The following ELAPOR1 variants were observed in gnomAD, a reference collection of about 807,000 sequenced individuals.
ELAPOR1 encodes endosome-lysosome associated apoptosis and autophagy regulator 1, also known as endosome/lysosome-associated apoptosis and autophagy regulator 1.
A neutral mutation model predicts 119.7 loss-of-function variants in ELAPOR1; 77 were observed. The ratio of observed to expected loss-of-function variants is 0.64; its 90% CI spans 0.54 to 0.78. The LOEUF is 0.78. Among genes scored for constraint, ELAPOR1 ranks in the 30% least tolerant of loss-of-function variants. The pLI is 0.00. For synonymous variants in ELAPOR1, 481 were observed against 487.2 expected (o/e 0.99, Z 0.17); for missense variants, 1,115 against 1,270.4 (o/e 0.88, Z 1.86).
intron 1 of ELAPOR1, among the ~76,000 whole-genome samples, chr1:109,153,125 G>GT (rs1002153112): frequency 2.6e-5 from 4 of 151,830 alleles, no homozygotes; most frequent in African/African-American, 7.3e-5. Context: ...GCACTGTTTT[G>GT]TTTTTTTAAT....
intron 1 of ELAPOR1, among the ~76,000 whole-genome samples, chr1:109,131,465 G>A (rs7534498): frequency 0.25 from 37,499 of 151,918 alleles, 5,589 homozygotes; most frequent in African/African-American, 0.41. Context: ...TTAGCTGTTG[G>A]TCTAGTTTCC....
In ELAPOR1 at chr1:109,200,833, T is replaced by C; in HGVS notation, c.2906T>C (p.Val969Ala). 6.2e-7 allele frequency: 1 copy of C among 1,614,204 alleles called. No homozygotes were observed. The highest frequency in any genetic ancestry group is 8.5e-7 in the Non-Finnish European group (1 of 1,180,024). ...DSCAIMEGED[V>A]EDDLIFTSKK... is the part of the protein sequence containing the mutation. ...TGCGCCATCATGGAAGGCGAGGATG[T>C]AGAGGACGACCTCATCTTTACCAGC... is the stretch of plus-strand genomic sequence containing the variant. Residue 969 changes from valine to alanine, a missense_variant, in exon 21 of 22, where the codon GTA (valine) becomes GCA (alanine). Transcript: ENST00000369939.
chr1:109,152,850 G>T (rs980786350), intron 1 of ELAPOR1, among the ~76,000 whole-genome samples: 5 of 151,182 alleles, frequency 3.3e-5, no homozygotes, highest in African/African-American at 1.2e-4. Flanking sequence ...GGAGGCTGAG[G>T]TGAGAGGATG....
intron 1 of ELAPOR1, among the ~76,000 whole-genome samples, chr1:109,158,922 T>G (rs1309230473): frequency 1.3e-5 from 2 of 151,464 alleles, no homozygotes; most frequent in East Asian, 3.9e-4. Flanking sequence ...GACGGAGTCT[T>G]GCTTTTTTTG....
chr1:109,118,675 G>A (rs1648184651), intron 1 of ELAPOR1, among the ~76,000 whole-genome samples: 1 of 152,034 alleles, frequency 6.6e-6, no homozygotes. Context: ...GTGACGGGCG[G>A]GTCAAGGATT....
chr1:109,182,651 A>G (rs1172454777), intron 7 of ELAPOR1, among the ~76,000 whole-genome samples: 1 of 151,954 alleles, frequency 6.6e-6, no homozygotes, highest in Non-Finnish European at 1.5e-5. Context: ...GCGGATCACG[A>G]GGTCAGCAGA....
intron 7 of ELAPOR1, among the ~76,000 whole-genome samples, chr1:109,174,510 G>A (rs550697961): frequency 4.2e-5 from 6 of 143,374 alleles, no homozygotes; most frequent in South Asian, 2.2e-4. Context: ...CTTGGAATAC[G>A]TCAGTGAACA....
At chr1:109,169,695 G>C (rs1329695542) in intron 3 of ELAPOR1, among the ~76,000 whole-genome samples, 1 of 152,232 alleles carries the variant, frequency 6.6e-6, no homozygotes, top group Non-Finnish European at 1.5e-5. Flanking sequence ...CTGGTGCTGG[G>C]AATACTTTAG....
chr1:109,166,524 C>T (rs1266949159), intron 3 of ELAPOR1, among the ~76,000 whole-genome samples: 2 of 152,144 alleles, frequency 1.3e-5, no homozygotes, highest in African/African-American at 4.8e-5. Context: ...ATTCTGGATG[C>T]TTTACATATA....
rs1332891259 is a variant in ELAPOR1, at chr1:109,194,591, C to T, written c.2118C>T (p.Asn706=). Residue 706 remains asparagine, a synonymous_variant, in exon 15 of 22, where the codon AAC becomes AAT. Transcript: ENST00000369939. ...FHHFTLSLCG[N]QGRKMSVCTD... ...ACTTTACCCTCAGTCTCTGTGGAAACCAGGTAAGGTATACCAGTTGACAGG... is the reference window on the plus strand; with the variant it reads ...ACTTTACCCTCAGTCTCTGTGGAAATCAGGTAAGGTATACCAGTTGACAGG... 1.2e-6 allele frequency: 2 copies of T among 1,613,716 alleles called. No homozygotes were observed. Among genetic ancestry groups the T allele is most frequent in the Non-Finnish European group, 1.7e-6 (2 of 1,179,626 alleles).
intron 1 of ELAPOR1, among the ~76,000 whole-genome samples, chr1:109,133,145 C>T (rs1041740676): frequency 2.0e-4 from 30 of 151,930 alleles, no homozygotes; most frequent in Admixed American, 1.5e-3. Flanking sequence ...TGGGAGGCTC[C>T]CTTGAGCCTG....
chr1:109,139,475 C>G (rs2100995872), intron 1 of ELAPOR1, among the ~76,000 whole-genome samples: 1 of 152,354 alleles, frequency 6.6e-6, no homozygotes, highest in African/African-American at 2.4e-5. Flanking sequence ...GCTTCTCTCT[C>G]TGGGACAACA....
rs1034133357 is a variant in ELAPOR1 at position 109,197,349 on chromosome 1, TC to T, written c.2122-121del. 3.1e-5 allele frequency: 24 copies of T among 767,686 alleles called. No homozygotes were observed. In the African/African-American group the frequency reaches 3.5e-4, roughly 11 times the overall value. The allele number at this position is 767,686 out of a possible 1,614,324, so 47.6% of individuals were successfully genotyped here. A position where few individuals can be genotyped will look rare whatever the true frequency, so the allele number is the denominator to read the frequency against. ...CGTCATTAGACCTGGGATGAATCAT[TC>T]CCCTACAACATACCATTGAAACGCT... On this transcript the variant is annotated intron_variant, in intron 15 of 21. Coordinates refer to ENST00000369939, the MANE Select transcript of ELAPOR1 (RefSeq NM_020775.5).
chr1:109,140,195 T>G (rs575696070), intron 1 of ELAPOR1, among the ~76,000 whole-genome samples: 48 of 152,330 alleles, frequency 3.2e-4, no homozygotes, highest in African/African-American at 1.1e-3. Context: ...AAGCACTCCC[T>G]GGGGTTATAG....
At chr1:109,202,856 C>T in intron 21 of ELAPOR1, 88 bp from the exon 22 acceptor site, 1 of 1,212,148 alleles carries the variant, frequency 8.2e-7, no homozygotes, top group South Asian at 1.2e-5. Context: ...CATAAGGGTT[C>T]CTTCTGTCAC....
At chr1:109,197,688 A>AGGAGTGTGT in intron 16 of ELAPOR1, 34 bp downstream of exon 16, 1 of 1,365,692 alleles carries the variant, frequency 7.3e-7, no homozygotes, top group Admixed American at 2.0e-5. Context: ...CTTGTTTGAG[A>AGGAGTGTGT]GTGTGTGTGT....
intron 1 of ELAPOR1, among the ~76,000 whole-genome samples, chr1:109,141,539 G>T (rs1649829327): frequency 6.6e-6 from 1 of 152,154 alleles, no homozygotes; most frequent in South Asian, 2.1e-4. Context: ...GGGATTACAG[G>T]AGTGAGCCAC....
At chr1:109,153,347 T>G (rs1650653316) in intron 1 of ELAPOR1, among the ~76,000 whole-genome samples, 2 of 151,972 alleles carry the variant, frequency 1.3e-5, no homozygotes, top group Non-Finnish European at 2.9e-5. Flanking sequence ...ACAAAGAAAG[T>G]GTCATTGCAA....
chr1:109,198,649 G>A lies in ELAPOR1; in HGVS notation c.2476G>A (p.Val826Ile), dbSNP rs1242352440. 1 of 1,613,642 alleles carries A rather than the reference G, an allele frequency of 6.2e-7. No homozygotes were observed. Among genetic ancestry groups the A allele is most frequent in the Non-Finnish European group, 8.5e-7 (1 of 1,179,858 alleles). ...CGTCAGGTGCAGTCCACAGAAAACT[G>A]TCCCTGGAAGTTTGCTGCTGCCAGG... is the stretch of plus-strand genomic sequence containing the variant. ...IRVRCSPQKT[V>I]PGSLLLPGTC... The change falls in exon 18 of 22, where the codon GTC (valine) becomes ATC (isoleucine). Residue 826 changes from valine (V) to isoleucine (I), a missense_variant. Transcript: ENST00000369939.
Sources: allele counts gnomAD v4.1 joint callset (sites outside exome capture counted in the v4.1 genomes callset), GRCh38; gene constraint gnomAD v4.1.1; transcripts MANE v1.5; gene names NCBI Gene and HGNC (gene_info 2026-07-23, HGNC 2026-07-21).